OSGIN2: variants seen among roughly 807,000 people sequenced by gnomAD.
The protein encoded by OSGIN2 is oxidative stress induced growth inhibitor family member 2.
Under a neutral mutation model 53.8 loss-of-function variants are expected in OSGIN2, and 19 were observed. The observed-to-expected ratio is 0.35, with a 90% CI of 0.25 to 0.52. The LOEUF is 0.52. OSGIN2 is among the 20% of genes least tolerant of loss of function. The pLI, the probability that OSGIN2 is intolerant of heterozygous loss-of-function variation, is 0.95. For synonymous variants in OSGIN2, 236 were observed against 236.0 expected, an observed-to-expected ratio of 1.00 and a Z score of 0.00; for missense variants, 520 against 662.7, an observed-to-expected ratio of 0.78 and a Z score of 2.36.
intron 2 of OSGIN2, among the ~76,000 whole-genome samples, chr8:89,911,036 TC>T (rs1808957017): frequency 6.6e-6 from 1 of 152,206 alleles, no homozygotes; most frequent in South Asian, 2.1e-4. Context: ...ACATGGGTCT[TC>T]CTGGGCCAAA....
Position 89,925,654 on chromosome 8 carries a change from G to A in OSGIN2, c.*122G>A. 1 of 677,544 alleles carries A rather than the reference G, an allele frequency of 1.5e-6. No homozygotes were observed. 42.0% of individuals were successfully genotyped at this position (677,544 alleles called of 1,614,324 possible). A position where few individuals can be genotyped will look rare whatever the true frequency, so the allele number is the denominator to read the frequency against. ...AACTGAAGGAGAGCCTCAAACTATA[G>A]TAACTTCATTTTTAAAAGTTACTAG... On this transcript the variant is annotated 3_prime_UTR_variant, in exon 6 of 6. Transcript: ENST00000451899.
chr8:89,910,453 A>G (rs1808944335), intron 2 of OSGIN2, among the ~76,000 whole-genome samples: 1 of 152,232 alleles, frequency 6.6e-6, no homozygotes, highest in Admixed American at 6.5e-5. Context: ...CCTTGGTAGC[A>G]TATGACTTCC....
intron 4 of OSGIN2, 130 bp from the exon 5 acceptor site, chr8:89,920,950 C>T: frequency 1.7e-6 from 1 of 583,850 alleles, no homozygotes; most frequent in East Asian, 2.7e-5. Flanking sequence ...CCATTTAGGA[C>T]TGCAGGAGCG....
chr8:89,902,173 G>T (rs1808730692), upstream of OSGIN2: 1 of 152,204 alleles, frequency 6.6e-6, no homozygotes, highest in Non-Finnish European at 1.5e-5. Flanking sequence ...GGTCCTCGGC[G>T]AAGTGGCCGA....
At chr8:89,906,487 G>T (rs1206352810) in intron 1 of OSGIN2, among the ~76,000 whole-genome samples, 1 of 152,072 alleles carries the variant, frequency 6.6e-6, no homozygotes, top group Non-Finnish European at 1.5e-5. Context: ...GTGTCCATGT[G>T]TTCTCCTCAT....
rs371682094 is a variant in OSGIN2 at position 89,909,550 on chromosome 8, CTT to C, written c.45-6_45-5del. ...TTGACTATATCTCTTTTTATTCCCC[CTT>C]TTTTTTTTTTAAAGAAACTATAGTG... On this transcript the variant is annotated splice_polypyrimidine_tract_variant and intron_variant, in intron 1 of 5. Coordinates refer to ENST00000451899, the MANE Select transcript of OSGIN2 (RefSeq NM_001126111.3). 7.6e-4 allele frequency: 812 copies of C among 1,063,522 alleles called. No individual in the cohort carries two copies. Among genetic ancestry groups the C allele is most frequent in the Admixed American group, 1.2e-3 (41 of 33,906 alleles). 65.9% of individuals were successfully genotyped at this position (1,063,522 alleles called of 1,614,324 possible). A position where few individuals can be genotyped will look rare whatever the true frequency, so the allele number is the denominator to read the frequency against.
chr8:89,917,004 T>G (rs1027988636), intron 4 of OSGIN2, among the ~76,000 whole-genome samples: 1 of 152,182 alleles, frequency 6.6e-6, no homozygotes, highest in African/African-American at 2.4e-5. Flanking sequence ...CCAGACTGTC[T>G]CCATTTCTGG....
At chr8:89,906,628 G>A (rs1286933426) in intron 1 of OSGIN2, among the ~76,000 whole-genome samples, 1 of 152,130 alleles carries the variant, frequency 6.6e-6, no homozygotes, top group Non-Finnish European at 1.5e-5. Flanking sequence ...TTTTGTGGCT[G>A]TATAGTATTC....
intron 1 of OSGIN2, among the ~76,000 whole-genome samples, chr8:89,909,038 ATATATATATATACATATATATATATAT>A (rs1808909719): frequency 1.0e-5 from 1 of 95,282 alleles, no homozygotes; most frequent in African/African-American, 7.2e-5. Context: ...AAAAAAAAAA[ATATATATATATACATATATATATATAT>A]AATGTATATG....
chr8:89,909,471 ATATTT>A (rs1585999735), intron 1 of OSGIN2, 91 bp from the exon 2 acceptor site: 1 of 632,110 alleles, frequency 1.6e-6, no homozygotes, highest in East Asian at 3.1e-5. Flanking sequence ...AATGATTAAA[ATATTT>A]TATGTCTAAA....
chr8:89,926,747 ATTTTC>A lies in OSGIN2; in HGVS notation c.*1225_*1229del, dbSNP rs909891815. The A allele has an allele frequency of 2.6e-4, 36 of 139,472 alleles. No individual in the cohort carries two copies. Among genetic ancestry groups the A allele is most frequent in the African/African-American group, 6.8e-4 (26 of 38,218 alleles). The allele number at this position is 139,472 out of a possible 1,614,324, so 8.6% of individuals were successfully genotyped here. A position where few individuals can be genotyped will look rare whatever the true frequency, so the allele number is the denominator to read the frequency against. On this transcript the variant is annotated 3_prime_UTR_variant, in exon 6 of 6. Transcript: ENST00000451899. ...CCATGGCAAATTGAATTTTTCAGTC[ATTTTC>A]TTTTCTTTTTTTGGTACAATTACTT...
rs1463643032 is a variant in OSGIN2, at chr8:89,927,189, GAC to G, written c.*1659_*1660del. 1.3e-5 allele frequency: 2 copies of G among 151,798 alleles called. No homozygotes were observed. The highest frequency in any genetic ancestry group is 2.9e-5 in the Non-Finnish European group (2 of 67,974). The allele number at this position is 151,798 out of a possible 1,614,324, so 9.4% of individuals were successfully genotyped here. On this transcript the variant is annotated 3_prime_UTR_variant, in exon 6 of 6. Coordinates refer to ENST00000451899, the MANE Select transcript of OSGIN2 (RefSeq NM_001126111.3). ...TTACTGTCACTTCTAAATAGAAAAT[GAC>G]AGTGTTATAAAAAAGGGAAGGATAA...
Position 89,902,798 on chromosome 8 carries a change from C to T in OSGIN2, c.5C>T (p.Pro2Leu). MPVWCCRCSLAG... is the reference protein window; with the variant it reads MLVWCCRCSLAG... ...GCGCCCCTCGCGCAGCGCTCCATGC[C>T]CGTGTGGTGCTGCCGCTGCTCCCTG... Residue 2 changes from proline to leucine, a missense_variant, in exon 1 of 6, where the codon CCC becomes CTC. Pro to Leu is a moderately conservative substitution (Grantham distance 98). This residue lies in a region of OSGIN2 where 203 missense variants were observed against 275.3 expected (regional missense o/e 0.74). Transcript: ENST00000451899. 7.4e-7 allele frequency: 1 copy of T among 1,343,022 alleles called. No individual in the cohort carries two copies. The highest frequency in any genetic ancestry group is 9.7e-7 in the Non-Finnish European group (1 of 1,027,794). The allele number at this position is 1,343,022 out of a possible 1,614,324, so 83.2% of individuals were successfully genotyped here. A position where few individuals can be genotyped will look rare whatever the true frequency, so the allele number is the denominator to read the frequency against.
chr8:89,926,614 GTTGT>G lies in OSGIN2; in HGVS notation c.*1085_*1088del, dbSNP rs1371420144. ...AGATGACATAGCAGCTCATATCATG[GTTGT>G]TTATTGGATTTATCTGTTCTAATTA... On this transcript the variant is annotated 3_prime_UTR_variant, in exon 6 of 6. Transcript: ENST00000451899. 1 of 152,294 alleles carries G rather than the reference GTTGT, an allele frequency of 6.6e-6. No individual in the cohort carries two copies. Among genetic ancestry groups the G allele is most frequent in the Admixed American group, 6.5e-5 (1 of 15,272 alleles). 9.4% of individuals were successfully genotyped at this position (152,294 alleles called of 1,614,324 possible). A position where few individuals can be genotyped will look rare whatever the true frequency, so the allele number is the denominator to read the frequency against.
chr8:89,927,586 T>A lies in OSGIN2; in HGVS notation c.*2054T>A, dbSNP rs1449210793. 3 of 152,340 alleles carry A rather than the reference T, an allele frequency of 2.0e-5. No homozygotes were observed. The East Asian group carries it at 5.8e-4, about 29-fold the overall frequency. 9.4% of individuals were successfully genotyped at this position (152,340 alleles called of 1,614,324 possible). A position where few individuals can be genotyped will look rare whatever the true frequency, so the allele number is the denominator to read the frequency against. ...GTCTAGTTATAGCATGATGTGAGCA[T>A]CTCCTCCTTATCCCTCGATGCCTGG... On this transcript the variant is annotated 3_prime_UTR_variant, in exon 6 of 6. Coordinates refer to ENST00000451899, the MANE Select transcript of OSGIN2 (RefSeq NM_001126111.3).
intron 1 of OSGIN2, among the ~76,000 whole-genome samples, chr8:89,906,733 G>A (rs903941186): frequency 8.5e-5 from 13 of 152,142 alleles, no homozygotes; most frequent in African/African-American, 3.1e-4. Context: ...TAGTGCTGCA[G>A]TGAATGTACA....
intron 2 of OSGIN2, among the ~76,000 whole-genome samples, chr8:89,913,622 C>A (rs1345469980): frequency 6.6e-6 from 1 of 152,104 alleles, no homozygotes; most frequent in East Asian, 1.9e-4. Flanking sequence ...ATATAGGGGG[C>A]AAACTAGGTT....
chr8:89,903,091 C>A (rs1024795028), intron 1 of OSGIN2, among the ~76,000 whole-genome samples: 40 of 152,172 alleles, frequency 2.6e-4, no homozygotes, highest in African/African-American at 9.2e-4. Flanking sequence ...ATCGGCTAGG[C>A]CGGACTGAGT....
At chr8:89,917,884 C>T (rs1285611473) in intron 4 of OSGIN2, among the ~76,000 whole-genome samples, 1 of 152,090 alleles carries the variant, frequency 6.6e-6, no homozygotes, top group Non-Finnish European at 1.5e-5. Context: ...TTTGATTTTC[C>T]CCATTTCTTT....
Sources: allele counts gnomAD v4.1 joint callset (sites outside exome capture counted in the v4.1 genomes callset), GRCh38; gene constraint gnomAD v4.1.1; regional missense constraint gnomAD v4.1.1; transcripts MANE v1.5; gene names NCBI Gene and HGNC (gene_info 2026-07-23, HGNC 2026-07-21).